The following KIAA0825 variants were observed in gnomAD, a reference collection of about 807,000 sequenced individuals.
KIAA0825 encodes KIAA0825.
In KIAA0825, 119 loss-of-function variants were observed where a neutral mutation model predicts 147.6. The ratio of observed to expected loss-of-function variants is 0.81; its 90% confidence interval spans 0.69 to 0.94. The LOEUF (loss-of-function observed/expected upper bound fraction) is 0.94. KIAA0825 is among the 40% of genes least tolerant of loss of function. The pLI, the probability that KIAA0825 is intolerant of heterozygous loss-of-function variation, is 0.00. For synonymous variants in KIAA0825, 470 were observed against 518.1 expected (o/e 0.91, Z 1.26); for missense variants, 1,381 against 1,472.7 (o/e 0.94, Z 1.02).
chr5:94,357,744 C>A (rs943660053), intron 20 of KIAA0825, among the ~76,000 whole-genome samples: 1 of 152,156 alleles, frequency 6.6e-6, no homozygotes, highest in Non-Finnish European at 1.5e-5. Flanking sequence ...CCCTTAACTG[C>A]AGTCCTGCCA....
intron 20 of KIAA0825, among the ~76,000 whole-genome samples, chr5:94,163,115 T>G (rs1276756597): frequency 6.6e-6 from 1 of 152,208 alleles, no homozygotes; most frequent in African/African-American, 2.4e-5. Context: ...TTCATTTATT[T>G]ACTAACTATA....
rs534990730 is a variant in KIAA0825 at position 94,595,717 on chromosome 5, C to T, written c.-152-13134G>A. 4.1e-4 allele frequency among the ~76,000 whole-genome samples: 62 copies of T among 152,278 alleles called. 1 individual carries two copies. The South Asian group carries it at 8.5e-3, about 21-fold the overall frequency. ...TTCCAAACTGTTATGCTCTGCTTCC[C>T]TTTTAAAAATAAGTTCCAATTCCAA... On this transcript the variant is annotated intron_variant, in intron 1 of 20. Transcript: ENST00000682413.
In KIAA0825 at chr5:94,473,478, T is replaced by C. The variant is rs1206969478; in HGVS notation, c.1269A>G (p.Glu423=). 9 of 1,551,760 alleles carry C rather than the reference T, an allele frequency of 5.8e-6. No homozygotes were observed. Among genetic ancestry groups the C allele is most frequent in the Non-Finnish European group, 7.0e-6 (8 of 1,146,994 alleles). Residue 423 remains glutamate, a synonymous_variant, in exon 8 of 21, where the codon GAA becomes GAG. Coordinates refer to ENST00000682413, the MANE Select transcript of KIAA0825 (RefSeq NM_001145678.3). ...LDFGWRSAFK[E]VSLPMAHCVV... ...CGCAGTGCGCCATGGGAAGAGACAC[T>C]TCTTTAAATGCACTTCTCCAGCCAA...
At chr5:94,410,911 C>T (rs770578311) in intron 15 of KIAA0825, among the ~76,000 whole-genome samples, 3 of 152,006 alleles carry the variant, frequency 2.0e-5, no homozygotes, top group African/African-American at 7.2e-5. Flanking sequence ...CAGATCTACA[C>T]AAAGAAGGGT....
At chr5:94,523,615 T>G (rs1292091134) in intron 4 of KIAA0825, among the ~76,000 whole-genome samples, 1 of 151,594 alleles carries the variant, frequency 6.6e-6, no homozygotes, top group African/African-American at 2.4e-5. Context: ...TGAACTTTTC[T>G]GGTAGACAGC....
chr5:94,487,218 A>G lies in KIAA0825; in HGVS notation c.971-2288T>C, dbSNP rs7705087. On this transcript the variant is annotated intron_variant, in intron 5 of 20. Transcript: ENST00000682413. ...TCTTCTTTTAATTCAGTGAATCTTT[A>G]TAACTAAATAATGTAAGAGGACAGA... 3.5e-3 allele frequency among the ~76,000 whole-genome samples: 527 copies of G among 152,320 alleles called. 5 individuals carry two copies. Among genetic ancestry groups the G allele is most frequent in the African/African-American group, 0.012 (497 of 41,576 alleles).
chr5:94,372,828 C>T (rs1233624951), intron 20 of KIAA0825, among the ~76,000 whole-genome samples: 1 of 152,222 alleles, frequency 6.6e-6, no homozygotes, highest in African/African-American at 2.4e-5. Context: ...TTTTCTATTG[C>T]TTTGTCAGTC....
intron 1 of KIAA0825, among the ~76,000 whole-genome samples, chr5:94,585,578 C>T (rs1187790328): frequency 6.6e-6 from 1 of 152,094 alleles, no homozygotes; most frequent in Non-Finnish European, 1.5e-5. Context: ...CAGACTTCCA[C>T]TCAATAATAA....
intron 20 of KIAA0825, among the ~76,000 whole-genome samples, chr5:94,325,741 C>T (rs1384088482): frequency 6.6e-6 from 1 of 151,740 alleles, no homozygotes; most frequent in African/African-American, 2.4e-5. Flanking sequence ...TTTATCTTGA[C>T]AGTTCTTGCA....
At chr5:94,242,871 T>A (rs1389441488) in intron 20 of KIAA0825, among the ~76,000 whole-genome samples, 2 of 152,196 alleles carry the variant, frequency 1.3e-5, no homozygotes, top group Non-Finnish European at 2.9e-5. Flanking sequence ...TTCACCTGCC[T>A]TGGCCTCTCA....
Position 94,202,122 on chromosome 5 carries a change from G to A in KIAA0825, c.3711-47998C>T. 1.3e-5 allele frequency among the ~76,000 whole-genome samples: 2 copies of A among 152,216 alleles called. 1 individual carries two copies. The highest frequency in any genetic ancestry group is 4.8e-5 in the African/African-American group (2 of 41,460). On this transcript the variant is annotated intron_variant, in intron 20 of 20. Coordinates refer to ENST00000682413, the MANE Select transcript of KIAA0825 (RefSeq NM_001145678.3). ...AGGAAGTGCACAGATGGACCTAGGA[G>A]AATTTTCAGAATCCTGACTAAAATT...
chr5:94,250,698 G>A (rs549325224), intron 20 of KIAA0825, among the ~76,000 whole-genome samples: 1 of 152,184 alleles, frequency 6.6e-6, no homozygotes, highest in Admixed American at 6.6e-5. Context: ...GGCTCAACTG[G>A]TTCTGGCTAG....
chr5:94,561,538 T>C (rs1459692190), intron 2 of KIAA0825, among the ~76,000 whole-genome samples: 3 of 152,152 alleles, frequency 2.0e-5, no homozygotes, highest in Non-Finnish European at 4.4e-5. Context: ...GTCCTGGTAG[T>C]GTCAGAATTG....
intron 20 of KIAA0825, among the ~76,000 whole-genome samples, chr5:94,335,714 T>TA (rs1272124100): frequency 6.6e-6 from 1 of 152,156 alleles, no homozygotes; most frequent in African/African-American, 2.4e-5. Context: ...CCCATTTTAA[T>TA]AAGATTAGCT....
intron 15 of KIAA0825, 51 bp downstream of exon 15, chr5:94,417,150 C>T: frequency 2.7e-6 from 4 of 1,479,006 alleles, no homozygotes; most frequent in Non-Finnish European, 3.7e-6. Flanking sequence ...TTTAAAGGTA[C>T]ATATAAGTAT....
chr5:94,520,669 GTTTA>G lies in KIAA0825; in HGVS notation c.545_548del (p.Ile182ThrfsTer9). On this transcript the variant is annotated frameshift_variant, in exon 5 of 21. Coordinates refer to ENST00000682413, the MANE Select transcript of KIAA0825 (RefSeq NM_001145678.3). LOFTEE classifies it high-confidence loss of function. Reference sequence around the variant, plus strand: ...TCAATAAAATTTTTTGCTGTGAATTGTTTATTTCATTATGGCTTTGTAATTTGCT... The same window carrying G: ...TCAATAAAATTTTTTGCTGTGAATTGTTTCATTATGGCTTTGTAATTTGCT... The G allele has an allele frequency of 1.9e-6, 3 of 1,613,338 alleles. No individual in the cohort carries two copies. The highest frequency in any genetic ancestry group is 2.7e-5 in the African/African-American group (2 of 75,012).
At chr5:94,386,508 A>G (rs1749160419) in intron 18 of KIAA0825, 104 bp from the exon 19 acceptor site, 3 of 842,296 alleles carry the variant, frequency 3.6e-6, no homozygotes, top group Middle Eastern at 3.6e-4. Context: ...CATTTGCTAG[A>G]TTACAGTGTA....
chr5:94,454,573 T>C (rs1335845632), intron 12 of KIAA0825, among the ~76,000 whole-genome samples: 1 of 152,186 alleles, frequency 6.6e-6, no homozygotes, highest in Non-Finnish European at 1.5e-5. Flanking sequence ...TTCCATCCCA[T>C]GTATTCCACT....
At chr5:94,432,381 C>T (rs1319051172) in intron 14 of KIAA0825, among the ~76,000 whole-genome samples, 1 of 152,158 alleles carries the variant, frequency 6.6e-6, no homozygotes, top group Non-Finnish European at 1.5e-5. Context: ...TTTACATAAT[C>T]CATATCCCAC....
Sources: allele counts gnomAD v4.1 joint callset (sites outside exome capture counted in the v4.1 genomes callset), GRCh38; gene constraint gnomAD v4.1.1; transcripts MANE v1.5; gene names NCBI Gene and HGNC (gene_info 2026-07-23, HGNC 2026-07-21).